GRPR: variants seen among roughly 807,000 people sequenced by gnomAD.
The protein encoded by GRPR is gastrin releasing peptide receptor, also known as gastrin-releasing peptide receptor.
In GRPR, 4 loss-of-function variants were observed where a neutral mutation model predicts 15.6. The observed-to-expected ratio is 0.26, with a 90% CI of 0.13 to 0.59. The LOEUF (loss-of-function observed/expected upper bound fraction) is 0.59, where lower values mean the gene tolerates loss of function less well. GRPR is among the 20% of genes least tolerant of loss of function. GRPR has a pLI of 0.90. For missense variants in GRPR, 270 were observed against 304.1 expected, an observed-to-expected ratio of 0.89 and a Z score of 0.83; for synonymous variants, 128 against 126.8, an observed-to-expected ratio of 1.01 and a Z score of -0.06.
intron 1 of GRPR, among the ~76,000 whole-genome samples, chrX:16,146,023 A>G (rs180787683): frequency 2.7e-5 from 3 of 111,854 alleles, no homozygotes; most frequent in African/African-American, 9.7e-5. Context: ...TGAATCAAGA[A>G]TCTGGAATTG....
In GRPR at chrX:16,123,790, G is replaced by A. The variant is rs1922242706; in HGVS notation, c.-164G>A. 2.0e-6 allele frequency: 1 copy of A among 498,911 alleles called. No homozygotes were observed. The highest frequency in any genetic ancestry group is 3.5e-6 in the Non-Finnish European group (1 of 284,570). 41.1% of individuals were successfully genotyped at this position (498,911 alleles called of 1,213,427 possible). A position where few individuals can be genotyped will look rare whatever the true frequency, so the allele number is the denominator to read the frequency against. ...CAGCACCAGTGTCAAAATAGTGACA[G>A]AGAGTTTTGAATACCATAGTTAGTA... is the stretch of plus-strand genomic sequence containing the variant. On this transcript the variant is annotated 5_prime_UTR_variant, in exon 1 of 3. Coordinates refer to ENST00000380289, the MANE Select transcript of GRPR (RefSeq NM_005314.3).
intron 1 of GRPR, among the ~76,000 whole-genome samples, chrX:16,143,358 T>A (rs1222101191): frequency 8.9e-6 from 1 of 112,990 alleles, no homozygotes; most frequent in Non-Finnish European, 1.9e-5. Flanking sequence ...TTTCCCCAGC[T>A]TAGCTTCTGC....
intron 1 of GRPR, among the ~76,000 whole-genome samples, chrX:16,144,601 G>A (rs927414368): frequency 8.9e-6 from 1 of 111,942 alleles, no homozygotes; most frequent in Admixed American, 9.5e-5. Flanking sequence ...TTCCAACCCA[G>A]AGTGTGGCAG....
chrX:16,124,158 A>G lies in GRPR; in HGVS notation c.205A>G (p.Lys69Glu). The change falls in exon 1 of 3, where the codon AAG becomes GAG. Residue 69 changes from lysine to glutamate, a missense_variant. Physicochemically the swap from Lys to Glu is moderately conservative, Grantham distance 56 (BLOSUM62 1). Around this residue, in one of 3 missense-constraint regions of GRPR, gnomAD observed 115 missense variants for 128.8 expected, o/e 0.89. Transcript: ENST00000380289. ...ITLIKIFCTV[K>E]SMRNVPNLFI... is the part of the protein sequence containing the mutation. ...TTTGATCAAGATCTTCTGTACAGTCAAGTCCATGCGAAACGTTCCAAACCT... is the reference window on the plus strand; with the variant it reads ...TTTGATCAAGATCTTCTGTACAGTCGAGTCCATGCGAAACGTTCCAAACCT... 2.5e-6 allele frequency: 3 copies of G among 1,208,884 alleles called. No homozygotes were observed. Among genetic ancestry groups the G allele is most frequent in the Non-Finnish European group, 3.4e-6 (3 of 892,934 alleles).
intron 1 of GRPR, among the ~76,000 whole-genome samples, chrX:16,145,607 T>A (rs957132453): frequency 1.3e-4 from 14 of 111,878 alleles, no homozygotes; most frequent in South Asian, 3.8e-4. Context: ...GTGACTATAG[T>A]CAATAATAAT....
intron 1 of GRPR, among the ~76,000 whole-genome samples, chrX:16,138,814 G>T (rs1360338324): frequency 8.9e-6 from 1 of 111,827 alleles, no homozygotes; most frequent in African/African-American, 3.3e-5. Flanking sequence ...ACAGTGCTGT[G>T]CAACTATCAC....
intron 1 of GRPR, among the ~76,000 whole-genome samples, chrX:16,136,359 T>C (rs1464632869): frequency 3.6e-5 from 4 of 111,852 alleles, no homozygotes; most frequent in Non-Finnish European, 7.5e-5. Context: ...TATGGCTCAT[T>C]AAGGGCTTTT....
chrX:16,131,425 A>C (rs1280137949), intron 1 of GRPR, among the ~76,000 whole-genome samples: 5 of 112,213 alleles, frequency 4.5e-5, no homozygotes, highest in African/African-American at 1.6e-4. Context: ...GAATCTGAAG[A>C]AATAACCAAT....
chrX:16,150,226 G>A (rs752283474), intron 1 of GRPR, 79 bp from the exon 2 acceptor site: 24 of 702,973 alleles, frequency 3.4e-5, no homozygotes, highest in East Asian at 2.9e-4. Flanking sequence ...CAGGTGTCTC[G>A]CTTGCCTCAA....
intron 2 of GRPR, among the ~76,000 whole-genome samples, chrX:16,151,148 C>T (rs929839269): frequency 3.6e-5 from 4 of 111,743 alleles, no homozygotes; most frequent in Non-Finnish European, 7.5e-5. Context: ...CTCTCTGAGC[C>T]TCAGTTTTCT....
In GRPR at chrX:16,152,575, A is replaced by G. The variant is rs1235635816; in HGVS notation, c.1085A>G (p.Lys362Arg). The G allele has an allele frequency of 8.3e-7, 1 of 1,207,358 alleles. No homozygotes were observed. The highest frequency in any genetic ancestry group is 3.0e-5 in the East Asian group (1 of 33,833). ...GRSTTCMTSL[K>R]STNPSVATFS... Reference sequence around the variant, plus strand: ...AGTACAACCTGCATGACCTCCCTCAAGAGTACCAACCCCTCCGTGGCCACC... The same window carrying G: ...AGTACAACCTGCATGACCTCCCTCAGGAGTACCAACCCCTCCGTGGCCACC... Residue 362 changes from lysine (K) to arginine (R), a missense_variant, in exon 3 of 3, where the codon AAG (lysine) becomes AGG (arginine). Physicochemically the swap from Lys to Arg is conservative, Grantham distance 26. Transcript: ENST00000380289.
At position 16,151,281 on chromosome X, in the gene GRPR, C is replaced by G. The variant is rs756696038; in HGVS notation, c.765+625C>G. ...GATGCCCTCCATATGATTAGACTCT[C>G]TTTCTTATCCCCCATAACACTCCAT... On this transcript the variant is annotated intron_variant, in intron 2 of 2. Coordinates refer to ENST00000380289, the MANE Select transcript of GRPR (RefSeq NM_005314.3). 1.9e-3 allele frequency among the ~76,000 whole-genome samples: 219 copies of G among 112,351 alleles called. 1 individual carries two copies. Among genetic ancestry groups the G allele is most frequent in the Non-Finnish European group, 3.6e-3 (192 of 53,231 alleles).
At chrX:16,129,156 T>G (rs1303994956) in intron 1 of GRPR, among the ~76,000 whole-genome samples, 1 of 111,996 alleles carries the variant, frequency 8.9e-6, no homozygotes, top group Non-Finnish European at 1.9e-5. Context: ...GTTATAAGTT[T>G]CTTTGTTATT....
intron 1 of GRPR, among the ~76,000 whole-genome samples, chrX:16,132,123 T>C (rs910377705): frequency 1.1e-4 from 12 of 112,176 alleles, no homozygotes; most frequent in African/African-American, 3.9e-4. Context: ...GATGGATGCA[T>C]GAAGAGAGGA....
intron 1 of GRPR, among the ~76,000 whole-genome samples, chrX:16,132,997 C>T (rs1218171033): frequency 8.9e-6 from 1 of 111,852 alleles, no homozygotes; most frequent in Non-Finnish European, 1.9e-5. Flanking sequence ...TGTTTCTGCC[C>T]TATAAACACA....
rs757478226 is a variant in GRPR, at chrX:16,152,431, A to G, written c.941A>G (p.Asn314Ser). 8 of 1,208,367 alleles carry G rather than the reference A, an allele frequency of 6.6e-6. No homozygotes were observed. Among genetic ancestry groups the G allele is most frequent in the Non-Finnish European group, 9.0e-6 (8 of 893,405 alleles). The change falls in exon 3 of 3, where the codon AAC becomes AGC. Residue 314 changes from asparagine (N) to serine (S), a missense_variant. Physicochemically the swap from Asn to Ser is conservative, Grantham distance 46. This residue lies in a region of GRPR where 133 missense variants were observed against 123.4 expected (regional missense o/e 1.08). Transcript: ENST00000380289. ...TGTGCCCGCCTCCTGGCCTTCACCA[A>G]CTCCTGCGTGAACCCCTTTGCCCTC... The part of the protein sequence containing the change: ...SICARLLAFT[N>S]SCVNPFALYL...
chrX:16,152,746 G>T lies in GRPR; in HGVS notation c.*101G>T. Reference sequence around the variant, plus strand: ...GTCTGTGCCCTCCAAAGAGCCTTCAGAATGCTCCTGAGTGGTGTAGGTGGG... The same window carrying T: ...GTCTGTGCCCTCCAAAGAGCCTTCATAATGCTCCTGAGTGGTGTAGGTGGG... On this transcript the variant is annotated 3_prime_UTR_variant, in exon 3 of 3. Transcript: ENST00000380289. 39 of 701,232 alleles carry T rather than the reference G, an allele frequency of 5.6e-5. No homozygotes were observed. The highest frequency in any genetic ancestry group is 6.8e-5 in the Non-Finnish European group (30 of 439,813). The allele number at this position is 701,232 out of a possible 1,213,427, so 57.8% of individuals were successfully genotyped here. A position where few individuals can be genotyped will look rare whatever the true frequency, so the allele number is the denominator to read the frequency against.
rs1432108605 is a variant in GRPR, at chrX:16,153,265, G to C, written c.*620G>C. On this transcript the variant is annotated 3_prime_UTR_variant, in exon 3 of 3. Coordinates refer to ENST00000380289, the MANE Select transcript of GRPR (RefSeq NM_005314.3). ...TAAGCATTTATTTTTTTTTTAAAAA[G>C]ATGTTACTGAGGACCTAGAAGAAAT... 3 of 112,217 alleles carry C rather than the reference G, an allele frequency of 2.7e-5. No homozygotes were observed. The highest frequency in any genetic ancestry group is 9.1e-5 in the Admixed American group (1 of 10,961). 9.2% of individuals were successfully genotyped at this position (112,217 alleles called of 1,213,427 possible).
At chrX:16,134,153 C>G (rs1922416282) in intron 1 of GRPR, among the ~76,000 whole-genome samples, 1 of 111,536 alleles carries the variant, frequency 9.0e-6, no homozygotes, top group South Asian at 3.7e-4. Flanking sequence ...TTGCCATGTC[C>G]CATAAATTTC....
Sources: allele counts gnomAD v4.1 joint callset (sites outside exome capture counted in the v4.1 genomes callset), GRCh38; gene constraint gnomAD v4.1.1; regional missense constraint gnomAD v4.1.1; transcripts MANE v1.5; gene names NCBI Gene and HGNC (gene_info 2026-07-23, HGNC 2026-07-21).